BCAS3: variants seen among roughly 807,000 people sequenced by gnomAD.
BCAS3 encodes BCAS4/BCAS3 fusion.
Under a neutral mutation model 116.1 loss-of-function variants are expected in BCAS3, and 53 were observed. The ratio of observed to expected loss-of-function variants is 0.46; its 90% CI spans 0.37 to 0.57. The LOEUF (loss-of-function observed/expected upper bound fraction) is 0.57, where lower values mean the gene tolerates loss of function less well. BCAS3 is among the 20% of genes least tolerant of loss of function. The pLI, the probability that BCAS3 is intolerant of heterozygous loss-of-function variation, is 0.00. For synonymous variants in BCAS3, 391 were observed against 408.2 expected, an observed-to-expected ratio of 0.96 and a Z score of 0.51; for missense variants, 917 against 1,165.4, an observed-to-expected ratio of 0.79 and a Z score of 3.10.
chr17:60,741,762 A>G (rs1176773245), intron 5 of BCAS3, among the ~76,000 whole-genome samples: 1 of 152,196 alleles, frequency 6.6e-6, no homozygotes, highest in Non-Finnish European at 1.5e-5. Context: ...TTGCTGGTGG[A>G]AGTGTAAATT....
At chr17:60,757,667 A>G (rs1568181534) in intron 6 of BCAS3, among the ~76,000 whole-genome samples, 2 of 152,052 alleles carry the variant, frequency 1.3e-5, no homozygotes, top group African/African-American at 4.8e-5. Flanking sequence ...TTAGTCCCTT[A>G]TTGGATGAAT....
intron 22 of BCAS3, among the ~76,000 whole-genome samples, chr17:61,115,009 A>G (rs1333871438): frequency 6.6e-6 from 1 of 151,544 alleles, no homozygotes; most frequent in African/African-American, 2.4e-5. Context: ...CTATTTAATA[A>G]ATGGTGCTGG....
intron 13 of BCAS3, among the ~76,000 whole-genome samples, chr17:60,945,669 C>T (rs1287110106): frequency 2.0e-5 from 3 of 151,896 alleles, no homozygotes; most frequent in East Asian, 1.9e-4. Context: ...GGCATGGTGG[C>T]GCACACCTGT....
At position 61,058,270 on chromosome 17, in the gene BCAS3, A is replaced by G. The variant is rs371468469; in HGVS notation, c.2030-16650A>G. On this transcript the variant is annotated intron_variant, in intron 19 of 23. Coordinates refer to ENST00000407086, the MANE Select transcript of BCAS3 (RefSeq NM_017679.5). ...AGGATAGGAGACTTTTGGCCATATGATTCTGTGGAACTTGGCAGGGGACCA... is the reference window on the plus strand; with the variant it reads ...AGGATAGGAGACTTTTGGCCATATGGTTCTGTGGAACTTGGCAGGGGACCA... 2.6e-5 allele frequency among the ~76,000 whole-genome samples: 4 copies of G among 152,116 alleles called. No individual in the cohort carries two copies. In the East Asian group the frequency reaches 7.7e-4, roughly 29 times the overall value.
intron 22 of BCAS3, among the ~76,000 whole-genome samples, chr17:61,275,514 A>G (rs1051157948): frequency 4.6e-5 from 7 of 151,656 alleles, no homozygotes; most frequent in South Asian, 2.1e-4. Context: ...ACCCATGTGC[A>G]TTTCTCAGCC....
At chr17:60,949,114 A>G (rs866278225) in intron 14 of BCAS3, among the ~76,000 whole-genome samples, 9 of 152,140 alleles carry the variant, frequency 5.9e-5, no homozygotes, top group Middle Eastern at 3.4e-3. Context: ...TGACCTCATG[A>G]TCCACCTGCC....
At chr17:61,178,404 C>T (rs1018101247) in intron 22 of BCAS3, among the ~76,000 whole-genome samples, 1 of 152,104 alleles carries the variant, frequency 6.6e-6, no homozygotes, top group Non-Finnish European at 1.5e-5. Flanking sequence ...TCACTTTTCA[C>T]ACGTTTCTTC....
At chr17:61,322,409 A>T (rs1447622583) in intron 22 of BCAS3, among the ~76,000 whole-genome samples, 1 of 152,096 alleles carries the variant, frequency 6.6e-6, no homozygotes, top group Non-Finnish European at 1.5e-5. Context: ...TTCTCCCCTC[A>T]CCCTTGGTGA....
At chr17:60,858,697 G>A (rs971146093) in intron 7 of BCAS3, among the ~76,000 whole-genome samples, 3 of 151,942 alleles carry the variant, frequency 2.0e-5, no homozygotes, top group Admixed American at 6.6e-5. Context: ...ACCATTTTGC[G>A]TCTCCAGCAG....
At chr17:60,851,065 C>CATAAATGAA (rs2053105566) in intron 7 of BCAS3, among the ~76,000 whole-genome samples, 4 of 152,024 alleles carry the variant, frequency 2.6e-5, no homozygotes, top group Admixed American at 2.6e-4. Flanking sequence ...AAAGCGCAAT[C>CATAAATGAA]ATAAATGAAA....
chr17:60,969,137 C>T (rs568616971), intron 14 of BCAS3, among the ~76,000 whole-genome samples: 37 of 152,222 alleles, frequency 2.4e-4, no homozygotes, highest in African/African-American at 8.7e-4. Context: ...GTCTCATCCT[C>T]ATATTTGAGT....
At chr17:61,210,032 T>C (rs2081363812) in intron 22 of BCAS3, among the ~76,000 whole-genome samples, 1 of 152,230 alleles carries the variant, frequency 6.6e-6, no homozygotes, top group Admixed American at 6.5e-5. Flanking sequence ...CCCAGTTGAA[T>C]GTGGTCCAGT....
rs2059348488 is a variant in BCAS3 at position 61,376,519 on chromosome 17, C to T, written c.2593+8025C>T. On this transcript the variant is annotated intron_variant, in intron 23 of 23. Transcript: ENST00000407086. The surrounding 1 kb of genome is among the most constrained non-coding windows in gnomAD (Gnocchi z 4.5). ...CGGCCTCCTGAAAGTAGGAATCGCT[C>T]TCCTCTCCAGGATCCCCAGTGTGGC... is the stretch of plus-strand genomic sequence containing the variant. Among the ~76,000 whole-genome samples, 1 of 152,246 alleles carries T rather than the reference C, an allele frequency of 6.6e-6. No homozygotes were observed. Among genetic ancestry groups the T allele is most frequent in the Non-Finnish European group, 1.5e-5 (1 of 68,052 alleles).
At chr17:61,317,606 A>G (rs2054855093) in intron 22 of BCAS3, among the ~76,000 whole-genome samples, 1 of 152,208 alleles carries the variant, frequency 6.6e-6, no homozygotes, top group African/African-American at 2.4e-5. Flanking sequence ...GTGGGGTAGT[A>G]GCACCATCAG....
chr17:61,044,465 A>AAAAAAAAAAAAAAAATATAT, intron 19 of BCAS3, among the ~76,000 whole-genome samples: 13 of 120,118 alleles, frequency 1.1e-4, no homozygotes, highest in African/African-American at 6.5e-4. Context: ...AAAAAAAAAA[A>AAAAAAAAAAAAAAAATATAT]ATATATATAT....
intron 23 of BCAS3, among the ~76,000 whole-genome samples, chr17:61,370,869 G>A (rs188903673): frequency 3.9e-5 from 6 of 152,334 alleles, no homozygotes; most frequent in African/African-American, 7.2e-5. Flanking sequence ...CCTACTGCCC[G>A]GAGGTAGTTG....
intron 22 of BCAS3, among the ~76,000 whole-genome samples, chr17:61,169,445 T>TG: frequency 6.6e-6 from 1 of 152,276 alleles, no homozygotes; most frequent in Non-Finnish European, 1.5e-5. Flanking sequence ...TCCTTGTTAT[T>TG]TAAAAAAAAT....
At chr17:60,998,597 C>A (rs1183285039) in intron 15 of BCAS3, among the ~76,000 whole-genome samples, 1 of 152,138 alleles carries the variant, frequency 6.6e-6, no homozygotes, top group Non-Finnish European at 1.5e-5. Flanking sequence ...TAGTGATAAG[C>A]ATTTTTATAT....
chr17:60,991,026 C>A (rs2063492469), intron 15 of BCAS3, among the ~76,000 whole-genome samples: 1 of 152,154 alleles, frequency 6.6e-6, no homozygotes, highest in South Asian at 2.1e-4. Context: ...AGCTGTGTAA[C>A]CATCATCCCA....
Sources: allele counts gnomAD v4.1 joint callset (sites outside exome capture counted in the v4.1 genomes callset), GRCh38; gene constraint gnomAD v4.1.1; non-coding constraint Gnocchi (gnomAD v3.1); transcripts MANE v1.5; gene names NCBI Gene and HGNC (gene_info 2026-07-23, HGNC 2026-07-21).